UBAC2: variants seen among roughly 807,000 people sequenced by gnomAD.
UBAC2 encodes ubiquitin-associated domain-containing protein 2.
In UBAC2, 26 loss-of-function variants were observed where a neutral mutation model predicts 44.0. That is an observed-to-expected ratio of 0.59 (90% confidence interval 0.43 to 0.82). The LOEUF (loss-of-function observed/expected upper bound fraction) is 0.82. Ranked by LOEUF, UBAC2 falls within the 40% of genes least tolerant of loss-of-function variation. The pLI is 0.00. For synonymous variants in UBAC2, 155 were observed against 154.3 expected, an observed-to-expected ratio of 1.00 and a Z score of -0.04; for missense variants, 329 against 419.4, an observed-to-expected ratio of 0.78 and a Z score of 1.88.
At chr13:99,342,766 C>G (rs2044911372) in intron 7 of UBAC2, among the ~76,000 whole-genome samples, 1 of 152,218 alleles carries the variant, frequency 6.6e-6, no homozygotes, top group African/African-American at 2.4e-5. Flanking sequence ...AGTCCCCTGA[C>G]CGACCAACCA....
intron 7 of UBAC2, among the ~76,000 whole-genome samples, chr13:99,354,930 T>C (rs1234233642): frequency 1.3e-5 from 2 of 151,784 alleles, no homozygotes; most frequent in African/African-American, 2.4e-5. Context: ...TCCTTCAGCG[T>C]TGGCTGGGTT....
intron 1 of UBAC2, among the ~76,000 whole-genome samples, chr13:99,228,486 G>T (rs1011923936): frequency 3.9e-5 from 6 of 152,042 alleles, no homozygotes; most frequent in Non-Finnish European, 7.4e-5. Flanking sequence ...TAGTGACGGG[G>T]CTTCACGATG....
chr13:99,277,411 G>C (rs1423427169), intron 4 of UBAC2, among the ~76,000 whole-genome samples: 1 of 152,088 alleles, frequency 6.6e-6, no homozygotes, highest in Non-Finnish European at 1.5e-5. Flanking sequence ...TGTAATCCCA[G>C]CTACTAGGGA....
chr13:99,287,189 T>C (rs1285904883), intron 4 of UBAC2, among the ~76,000 whole-genome samples: 1 of 152,130 alleles, frequency 6.6e-6, no homozygotes, highest in African/African-American at 2.4e-5. Flanking sequence ...GTTCCTAAAA[T>C]CTGCATGGTG....
chr13:99,233,457 A>G (rs2043198890), intron 1 of UBAC2, among the ~76,000 whole-genome samples: 1 of 152,166 alleles, frequency 6.6e-6, no homozygotes, highest in Admixed American at 6.5e-5. Context: ...CCTAACAGGG[A>G]TCCTTAGAGA....
intron 7 of UBAC2, among the ~76,000 whole-genome samples, chr13:99,355,332 GATGCACTTCCATTCTT>G (rs1343302877): frequency 3.3e-5 from 5 of 152,228 alleles, no homozygotes; most frequent in Non-Finnish European, 4.4e-5. Flanking sequence ...CACTCTGAGA[GATGCACTTCCATTCTT>G]ATGTCTTCAA....
intron 1 of UBAC2, among the ~76,000 whole-genome samples, chr13:99,218,649 C>A (rs954876700): frequency 2.6e-5 from 4 of 152,270 alleles, no homozygotes; most frequent in Admixed American, 1.3e-4. Flanking sequence ...GAGGAGCGGT[C>A]AGTGTGGCAG....
Position 99,314,154 on chromosome 13 carries a change from A to G in UBAC2, c.447A>G (p.Gln149=), listed in dbSNP as rs1317544787. The G allele has an allele frequency of 2.5e-6, 4 of 1,613,932 alleles. No individual in the cohort carries two copies. Among genetic ancestry groups the G allele is most frequent in the Admixed American group, 3.3e-5 (2 of 60,012 alleles). ...VPFYCSIPRV[Q]VAQILGPLSI... ...TTTACTGCTCCATACCAAGAGTCCA[A>G]GTGGCACAAATTCTGGGTCCGTTGT... The change falls in exon 5 of 9, where the codon CAA becomes CAG. Residue 149 remains glutamine, a synonymous_variant. Coordinates refer to ENST00000403766, the MANE Select transcript of UBAC2 (RefSeq NM_001144072.2).
chr13:99,368,097 T>C (rs2045355518), intron 8 of UBAC2, among the ~76,000 whole-genome samples, 191 bp downstream of exon 8: 1 of 152,048 alleles, frequency 6.6e-6, no homozygotes, highest in South Asian at 2.1e-4. Context: ...AAGGAAGGCA[T>C]TATTGGTTGG....
chr13:99,294,501 G>C (rs1286237925), intron 4 of UBAC2: 6 of 152,274 alleles, frequency 3.9e-5, no homozygotes, highest in Non-Finnish European at 8.8e-5. Context: ...CACTCCCACT[G>C]ATAGTTGACA....
At chr13:99,238,116 C>T (rs1290953084) in intron 1 of UBAC2, among the ~76,000 whole-genome samples, 1 of 152,238 alleles carries the variant, frequency 6.6e-6, no homozygotes, top group African/African-American at 2.4e-5. Context: ...ACACACTTCT[C>T]TATTTCTTTA....
chr13:99,279,815 A>G (rs547179882), intron 4 of UBAC2, among the ~76,000 whole-genome samples: 2 of 152,258 alleles, frequency 1.3e-5, no homozygotes, highest in South Asian at 2.1e-4. Flanking sequence ...CACTAATCCT[A>G]TTTGTGAAGA....
At chr13:99,215,486 T>G in intron 1 of UBAC2, 1 of 1,446,262 alleles carries the variant, frequency 6.9e-7, no homozygotes, top group East Asian at 2.3e-5. Flanking sequence ...TCTGCACGAA[T>G]AGCAAGTTGC....
chr13:99,240,836 G>A (rs2043291122), intron 2 of UBAC2, among the ~76,000 whole-genome samples: 1 of 152,144 alleles, frequency 6.6e-6, no homozygotes, highest in Admixed American at 6.5e-5. Context: ...TGTCTTGCTT[G>A]GAGTAGAGAC....
At chr13:99,234,171 C>CTTTTTTTTT (rs773370310) in intron 1 of UBAC2, among the ~76,000 whole-genome samples, 7 of 61,712 alleles carry the variant, frequency 1.1e-4, no homozygotes, top group Admixed American at 2.8e-4. Flanking sequence ...CTAGCCGTTT[C>CTTTTTTTTT]TTTTTTTTTT....
chr13:99,380,272 C>A lies in UBAC2; in HGVS notation c.928-4956C>A, dbSNP rs61600056. Among the ~76,000 whole-genome samples, 1,514 of 152,266 alleles carry A rather than the reference C, an allele frequency of 9.9e-3. 28 individuals are homozygous for A. Among genetic ancestry groups the A allele is most frequent in the African/African-American group, 0.035 (1,469 of 41,546 alleles). ...TACCTGACTGCACGTCTGCGCAGGC[C>A]TCAATTTCGTCTTTCTGTAATTTGA... On this transcript the variant is annotated intron_variant, in intron 8 of 8. Transcript: ENST00000403766.
chr13:99,370,295 GAGAC>G (rs748660556), intron 8 of UBAC2, among the ~76,000 whole-genome samples: 2 of 152,158 alleles, frequency 1.3e-5, no homozygotes, highest in African/African-American at 2.4e-5. Context: ...ATGTGTGACA[GAGAC>G]AGAGAGAGAA....
At chr13:99,284,474 G>C (rs2043992954) in intron 4 of UBAC2, among the ~76,000 whole-genome samples, 1 of 152,150 alleles carries the variant, frequency 6.6e-6, no homozygotes, top group African/African-American at 2.4e-5. Flanking sequence ...CCTAAAACCA[G>C]ATGCCCCCGT....
At chr13:99,267,065 A>G (rs1341832592) in intron 4 of UBAC2, among the ~76,000 whole-genome samples, 4 of 147,476 alleles carry the variant, frequency 2.7e-5, no homozygotes, top group Non-Finnish European at 4.5e-5. Flanking sequence ...TGTAGTAGCC[A>G]TCCTCATGGG....
Sources: allele counts gnomAD v4.1 joint callset (sites outside exome capture counted in the v4.1 genomes callset), GRCh38; gene constraint gnomAD v4.1.1; transcripts MANE v1.5; gene names NCBI Gene and HGNC (gene_info 2026-07-23, HGNC 2026-07-21).